Variants in CACNA1C observed in about 807,000 individuals in gnomAD.
CACNA1C encodes calcium voltage-gated channel subunit alpha1 C.
A neutral mutation model predicts 229.0 loss-of-function variants in CACNA1C; 30 were observed. The ratio of observed to expected loss-of-function variants is 0.13; its 90% CI spans 0.10 to 0.18. The LOEUF (loss-of-function observed/expected upper bound fraction) is 0.18, where lower values mean the gene tolerates loss of function less well. Among genes scored for constraint, CACNA1C ranks in the 10% least tolerant of loss-of-function variants. The pLI is 1.00. For synonymous variants in CACNA1C, 1,114 were observed against 1,132.5 expected (o/e 0.98, Z 0.33); for missense variants, 1,658 against 2,845.0 (o/e 0.58, Z 9.49).
At chr12:2,655,395 A>G (rs1013950015) in intron 34 of CACNA1C, among the ~76,000 whole-genome samples, 157 bp downstream of exon 34, 13 of 152,274 alleles carry the variant, frequency 8.5e-5, no homozygotes, top group African/African-American at 2.9e-4. Context: ...CAGTGGGTCC[A>G]TTGTCATTTA....
chr12:2,381,510 C>T (rs1192740373), intron 3 of CACNA1C, among the ~76,000 whole-genome samples: 2 of 152,202 alleles, frequency 1.3e-5, no homozygotes, highest in African/African-American at 4.8e-5. Context: ...CAGGAAAGTT[C>T]CCCAGATATG....
intron 28 of CACNA1C, 130 bp from the exon 29 acceptor site, chr12:2,611,773 G>T: frequency 4.9e-6 from 3 of 613,284 alleles, no homozygotes; most frequent in Non-Finnish European, 8.8e-6. Flanking sequence ...AGAGGTGGGC[G>T]GCCCTCTGGG....
chr12:2,436,413 G>C (rs2239077), intron 3 of CACNA1C, among the ~76,000 whole-genome samples: 1 of 151,958 alleles, frequency 6.6e-6, no homozygotes, highest in Non-Finnish European at 1.5e-5. Flanking sequence ...GAGCTGTAAC[G>C]TTACTGCCTC....
chr12:2,605,207 C>A lies in CACNA1C; in HGVS notation c.3048+39C>A. 1 of 1,407,742 alleles carries A rather than the reference C, an allele frequency of 7.1e-7. No homozygotes were observed. Among genetic ancestry groups the A allele is most frequent in the Non-Finnish European group, 1.0e-6 (1 of 992,446 alleles). 87.2% of individuals were successfully genotyped at this position (1,407,742 alleles called of 1,614,324 possible). A position where few individuals can be genotyped will look rare whatever the true frequency, so the allele number is the denominator to read the frequency against. On this transcript the variant is annotated intron_variant, in intron 23 of 46. Coordinates refer to ENST00000399655, the MANE Select transcript of CACNA1C (RefSeq NM_000719.7). The surrounding 1 kb of genome is among the most constrained non-coding windows in gnomAD (Gnocchi z 6.2). ...TTGGGTAGGGAGTCTCCAGCCAGCC[C>A]ATTGGGGAGTGGGAGCTCCACAGAG...
At chr12:2,058,475 C>T (rs1308931724) in intron 1 of CACNA1C, among the ~76,000 whole-genome samples, 1 of 152,112 alleles carries the variant, frequency 6.6e-6, no homozygotes, top group Non-Finnish European at 1.5e-5. Flanking sequence ...AGATTCCATC[C>T]TCACAGTTGC....
intron 30 of CACNA1C, chr12:2,641,504 C>T (rs896916621): frequency 3.5e-6 from 2 of 578,106 alleles, no homozygotes; most frequent in Non-Finnish European, 6.2e-6. Flanking sequence ...TGACATCTCC[C>T]TCCAGCCCCC....
chr12:2,388,809 C>T (rs943554869), intron 3 of CACNA1C, among the ~76,000 whole-genome samples: 2 of 146,178 alleles, frequency 1.4e-5, no homozygotes, highest in African/African-American at 5.1e-5. Flanking sequence ...GTCTGTGGCA[C>T]ATCCAAGTGC....
intron 5 of CACNA1C, among the ~76,000 whole-genome samples, chr12:2,470,235 T>A (rs910836437): frequency 2.6e-5 from 4 of 152,294 alleles, no homozygotes; most frequent in African/African-American, 9.6e-5. Flanking sequence ...GGTATAATCA[T>A]CACAAGAGAC....
At chr12:2,506,723 C>T (rs2099772643) in intron 8 of CACNA1C, among the ~76,000 whole-genome samples, 1 of 152,162 alleles carries the variant, frequency 6.6e-6, no homozygotes, top group South Asian at 2.1e-4. Flanking sequence ...AGAGCCAGCC[C>T]TCAAGGCACC....
intron 3 of CACNA1C, among the ~76,000 whole-genome samples, chr12:2,253,038 C>G (rs1481430034): frequency 1.3e-5 from 2 of 152,168 alleles, no homozygotes; most frequent in African/African-American, 4.8e-5. Context: ...GGAACACATC[C>G]CACTTTTCCC....
intron 3 of CACNA1C, among the ~76,000 whole-genome samples, chr12:2,153,664 A>T (rs985280423): frequency 4.6e-5 from 7 of 152,154 alleles, no homozygotes; most frequent in African/African-American, 1.7e-4. Flanking sequence ...GTTGACAGGG[A>T]CCATGAGGCC....
intron 29 of CACNA1C, among the ~76,000 whole-genome samples, chr12:2,620,919 A>G (rs1174780862): frequency 5.3e-5 from 8 of 152,246 alleles, no homozygotes; most frequent in Non-Finnish European, 1.2e-4. Context: ...CGGAAAAGAA[A>G]GTCGGAATAT....
At chr12:2,254,654 G>C (rs1339110145) in intron 3 of CACNA1C, among the ~76,000 whole-genome samples, 1 of 151,864 alleles carries the variant, frequency 6.6e-6, no homozygotes, top group Non-Finnish European at 1.5e-5. Flanking sequence ...CTGCCCGTGG[G>C]ATAAGGGAAA....
intron 1 of CACNA1C, among the ~76,000 whole-genome samples, chr12:1,990,350 C>A (rs1237306172): frequency 6.6e-6 from 1 of 152,108 alleles, no homozygotes; most frequent in East Asian, 1.9e-4. Context: ...ACAGGTCAAA[C>A]CCCATTTTAA....
intron 3 of CACNA1C, among the ~76,000 whole-genome samples, chr12:2,230,494 CT>C: frequency 6.6e-6 from 1 of 152,304 alleles, no homozygotes; most frequent in Admixed American, 6.5e-5. Flanking sequence ...AGGGTAGAAC[CT>C]GAGTGTCCAA....
intron 29 of CACNA1C, among the ~76,000 whole-genome samples, chr12:2,625,570 A>G (rs897661395): frequency 2.6e-5 from 4 of 151,874 alleles, no homozygotes; most frequent in African/African-American, 9.7e-5. Flanking sequence ...AACCCCACCA[A>G]CAACAGCAAT....
In CACNA1C at chr12:2,504,504, T is replaced by C. The variant is rs1207619281; in HGVS notation, c.1114-338T>C. On this transcript the variant is annotated intron_variant, in intron 7 of 46. Coordinates refer to ENST00000399655, the MANE Select transcript of CACNA1C (RefSeq NM_000719.7). This position sits in a 1 kb window ranked among gnomAD's most constrained non-coding sequence, Gnocchi z 6.8. ...TCAGTCTGGTCATCTTTGGATCCTTTTTCGTTCTAAATCTGGTTCTCGGTG... is the reference window on the plus strand; with the variant it reads ...TCAGTCTGGTCATCTTTGGATCCTTCTTCGTTCTAAATCTGGTTCTCGGTG... The C allele has an allele frequency of 6.2e-7, 1 of 1,611,842 alleles. No individual in the cohort carries two copies. The highest frequency in any genetic ancestry group is 1.3e-5 in the African/African-American group (1 of 74,880).
rs527270013 is a variant in CACNA1C, at chr12:2,369,768, GAAAAT to G, written c.478-79204_478-79200del. Among the ~76,000 whole-genome samples the G allele has an allele frequency of 3.0e-3, 452 of 152,182 alleles. 2 individuals carry two copies. The highest frequency in any genetic ancestry group is 0.01 in the African/African-American group (425 of 41,514). ...GGTGGATTCAAATAGTTAAATGAAA[GAAAAT>G]AAACCATAAGACTTGGGGGAAAAAG... On this transcript the variant is annotated intron_variant, in intron 3 of 46. Transcript: ENST00000399655.
chr12:2,074,952 A>T (rs12830118), intron 1 of CACNA1C, among the ~76,000 whole-genome samples: 68,408 of 151,992 alleles, frequency 0.45, 17,645 homozygotes, highest in Non-Finnish European at 0.6. Context: ...CCACATGGGG[A>T]CCCGGATCAA....
Sources: gnomAD v4.1 joint callset for allele counts (sites outside exome capture counted in the v4.1 genomes callset) on GRCh38, gnomAD v4.1.1 for gene constraint, Gnocchi (gnomAD v3.1) non-coding constraint, MANE v1.5 for transcripts, NCBI Gene and HGNC (gene_info 2026-07-23, HGNC 2026-07-21) for gene names.